The following SLITRK3 variants were observed in gnomAD, a reference collection of about 807,000 sequenced individuals.
SLITRK3 encodes SLIT and NTRK like family member 3.
Under a neutral mutation model 63.6 loss-of-function variants are expected in SLITRK3, and 16 were observed. The ratio of observed to expected loss-of-function variants is 0.25; its 90% CI spans 0.17 to 0.38. SLITRK3 has a LOEUF of 0.38. SLITRK3 is among the 10% of genes least tolerant of loss of function. The pLI is 1.00. For missense variants in SLITRK3, 1,117 were observed against 1,181.4 expected (o/e 0.95, Z 0.80); for synonymous variants, 547 against 451.6 (o/e 1.21, Z -2.68).
chr3:165,189,469 G>A lies in SLITRK3; in HGVS notation c.1362C>T (p.Asn454=), dbSNP rs112999955. The change falls in exon 2 of 2, where the codon AAC becomes AAT. Residue 454 remains asparagine (N), a synonymous_variant. Coordinates refer to ENST00000475390, the MANE Select transcript of SLITRK3 (RefSeq NM_001318810.2). The surrounding 1 kb of genome is among the most constrained non-coding windows in gnomAD (Gnocchi z 4.0). ...GGAAGAGGCTCTTTAAGTTGGGCAAGTTGATAAAGGCCCCATCTTGGACAT... is the reference window on the plus strand; with the variant it reads ...GGAAGAGGCTCTTTAAGTTGGGCAAATTGATAAAGGCCCCATCTTGGACAT... ...ISYVQDGAFI[N]LPNLKSLFLN... is the part of the protein sequence containing the mutation. 7.2e-5 allele frequency: 116 copies of A among 1,613,500 alleles called. 3 individuals carry two copies. In the African/African-American group the frequency reaches 1.1e-3, roughly 15 times the overall value.
chr3:165,196,750 C>A (rs1718433602), upstream of SLITRK3: 2 of 152,196 alleles, frequency 1.3e-5, no homozygotes, highest in African/African-American at 4.8e-5. Flanking sequence ...GCCGGAGCTC[C>A]GCCAGCGCGT....
rs923897488 is a variant in SLITRK3 at position 165,187,861 on chromosome 3, A to G, written c.*36T>C. ...TTTCTTTTATTTTCCTTTTCTTTTGAAAAAAAAAAAGCACTAATATATTTT... is the reference window on the plus strand; with the variant it reads ...TTTCTTTTATTTTCCTTTTCTTTTGGAAAAAAAAAAGCACTAATATATTTT... On this transcript the variant is annotated 3_prime_UTR_variant, in exon 2 of 2. Transcript: ENST00000475390. The G allele has an allele frequency of 6.7e-6, 6 of 901,450 alleles. No individual in the cohort carries two copies. The highest frequency in any genetic ancestry group is 1.9e-5 in the African/African-American group (1 of 52,726). The allele number at this position is 901,450 out of a possible 1,614,324, so 55.8% of individuals were successfully genotyped here.
At position 165,187,930 on chromosome 3, in the gene SLITRK3, G is replaced by T; in HGVS notation, c.2901C>A (p.Leu967=). Reference sequence around the variant, plus strand: ...TGTATGTTGTCTTCTCCAGGACTTCGAGGTAATCCGGCTTGGTTTGAAGTT... The same window carrying T: ...TGTATGTTGTCTTCTCCAGGACTTCTAGGTAATCCGGCTTGGTTTGAAGTT... ...RAKLQTKPDY[L]EVLEKTTYRF The change falls in exon 2 of 2, where the codon CTC becomes CTA. Residue 967 remains leucine (L), a synonymous_variant. Coordinates refer to ENST00000475390, the MANE Select transcript of SLITRK3 (RefSeq NM_001318810.2). 1 of 1,613,328 alleles carries T rather than the reference G, an allele frequency of 6.2e-7. No homozygotes were observed. Among genetic ancestry groups the T allele is most frequent in the South Asian group, 1.1e-5 (1 of 91,020 alleles).
Position 165,190,524 on chromosome 3 carries a change from C to T in SLITRK3, c.307G>A (p.Ala103Thr), listed in dbSNP as rs1017465741. ...TTGTTCCCAAGATTAATAGACACAG[C>T]ATTATTCAAATGAAGAAAACTGTTG... is the stretch of plus-strand genomic sequence containing the variant. ...YTNSFLHLNN[A>T]VSINLGNNAL... is the part of the protein sequence containing the mutation. The change falls in exon 2 of 2, where the codon GCT becomes ACT. Residue 103 changes from alanine to threonine, a missense_variant. Coordinates refer to ENST00000475390, the MANE Select transcript of SLITRK3 (RefSeq NM_001318810.2). The T allele has an allele frequency of 6.2e-7, 1 of 1,613,464 alleles. No homozygotes were observed. Among genetic ancestry groups the T allele is most frequent in the Non-Finnish European group, 8.5e-7 (1 of 1,179,732 alleles).
At position 165,189,238 on chromosome 3, in the gene SLITRK3, C is replaced by A; in HGVS notation, c.1593G>T (p.Arg531=). 6.2e-7 allele frequency: 1 copy of A among 1,614,180 alleles called. No homozygotes were observed. Among genetic ancestry groups the A allele is most frequent in the Non-Finnish European group, 8.5e-7 (1 of 1,180,046 alleles). Residue 531 remains arginine (R), a synonymous_variant, in exon 2 of 2, where the codon CGG becomes CGT. Coordinates refer to ENST00000475390, the MANE Select transcript of SLITRK3 (RefSeq NM_001318810.2). The surrounding 1 kb of genome is among the most constrained non-coding windows in gnomAD (Gnocchi z 4.0). ...GGAAGTAGTTCTTCCTCAGGTTGAG[C>A]CGGGCCAGGGATGTGCCAGCAAAGG... The part of the protein sequence containing the change: ...TDAFAGTSLA[R]LNLRKNYFLY...
Position 165,187,786 on chromosome 3 carries a change from A to C in SLITRK3, c.*111T>G, listed in dbSNP as rs1336811528. The C allele has an allele frequency of 3.4e-6, 3 of 873,816 alleles. No individual in the cohort carries two copies. Among genetic ancestry groups the C allele is most frequent in the South Asian group, 3.5e-5 (2 of 56,516 alleles). 54.1% of individuals were successfully genotyped at this position (873,816 alleles called of 1,614,324 possible). A position where few individuals can be genotyped will look rare whatever the true frequency, so the allele number is the denominator to read the frequency against. ...TTTAGTTTTGTTCAGGGTAGGAAAG[A>C]TCGTGAGGATGGAGTTACTGGGACA... On this transcript the variant is annotated 3_prime_UTR_variant, in exon 2 of 2. Coordinates refer to ENST00000475390, the MANE Select transcript of SLITRK3 (RefSeq NM_001318810.2).
chr3:165,188,576 T>C lies in SLITRK3; in HGVS notation c.2255A>G (p.Asn752Ser). ...CTCACGAGGCTTGTAGATGGGGTTG[T>C]TGCACATTTGGGTAACCGGGTGGGG... is the stretch of plus-strand genomic sequence containing the variant. ...YIPHPVTQMCNNPIYKPREEE... is the reference protein window; with the variant it reads ...YIPHPVTQMCSNPIYKPREEE... Residue 752 changes from asparagine to serine, a missense_variant, in exon 2 of 2, where the codon AAC becomes AGC. Transcript: ENST00000475390. 1 of 1,614,044 alleles carries C rather than the reference T, an allele frequency of 6.2e-7. No homozygotes were observed. Among genetic ancestry groups the C allele is most frequent in the Non-Finnish European group, 8.5e-7 (1 of 1,180,016 alleles).
In SLITRK3 at chr3:165,190,354, A is replaced by G. The variant is rs1379962246; in HGVS notation, c.477T>C (p.Asn159=). ...CCCCACTCTCAATACGTTTAATGAC[A>G]TTGTAATCTGCCTGCAGATATTCTA... ...ESLEYLQADY[N]VIKRIESGAF... Residue 159 remains asparagine, a synonymous_variant, in exon 2 of 2, where the codon AAT becomes AAC. Transcript: ENST00000475390. The G allele has an allele frequency of 7.4e-6, 12 of 1,614,028 alleles. No homozygotes were observed. The East Asian group carries it at 1.8e-4, about 24-fold the overall frequency.
chr3:165,187,844 A>G lies in SLITRK3; in HGVS notation c.*53T>C. 4.9e-6 allele frequency: 7 copies of G among 1,419,972 alleles called. No homozygotes were observed. The highest frequency in any genetic ancestry group is 6.7e-6 in the Non-Finnish European group (7 of 1,045,148). 88.0% of individuals were successfully genotyped at this position (1,419,972 alleles called of 1,614,324 possible). On this transcript the variant is annotated 3_prime_UTR_variant, in exon 2 of 2. Coordinates refer to ENST00000475390, the MANE Select transcript of SLITRK3 (RefSeq NM_001318810.2). The stretch of plus-strand genomic sequence containing the variant: ...AGGGAGCAAGGGATATATTTCTTTT[A>G]TTTTCCTTTTCTTTTGAAAAAAAAA...
chr3:165,196,931 T>TCTCTCTC (rs1560057654), upstream of SLITRK3: 5 of 136,010 alleles, frequency 3.7e-5, no homozygotes, highest in Admixed American at 1.5e-4. Context: ...CTCTCTCCTC[T>TCTCTCTC]CTCTGTCTCT....
In SLITRK3 at chr3:165,188,548, C is replaced by T. The variant is rs201879416; in HGVS notation, c.2283G>A (p.Glu761=). 1.9e-4 allele frequency: 311 copies of T among 1,614,136 alleles called. 3 individuals carry two copies. In the East Asian group the frequency reaches 6.4e-3, roughly 33 times the overall value. The change falls in exon 2 of 2, where the codon GAG becomes GAA. Residue 761 remains glutamate, a synonymous_variant. Transcript: ENST00000475390. ...CNNPIYKPRE[E]EEVAVSSAQE... ...GGGCTGATGAAACAGCCACCTCCTCCTCCTCACGAGGCTTGTAGATGGGGT... is the reference window on the plus strand; with the variant it reads ...GGGCTGATGAAACAGCCACCTCCTCTTCCTCACGAGGCTTGTAGATGGGGT...
At position 165,189,189 on chromosome 3, in the gene SLITRK3, G is replaced by A. The variant is rs1329328723; in HGVS notation, c.1642C>T (p.Leu548=). The A allele has an allele frequency of 6.2e-7, 1 of 1,614,188 alleles. No individual in the cohort carries two copies. The highest frequency in any genetic ancestry group is 8.5e-7 in the Non-Finnish European group (1 of 1,180,038). The change falls in exon 2 of 2, where the codon CTG becomes TTG. Residue 548 remains leucine, a synonymous_variant. Transcript: ENST00000475390. The surrounding 1 kb of genome is among the most constrained non-coding windows in gnomAD (Gnocchi z 4.0). ...TGGACAATGGCATTCAAGTGTTCCA[G>A]GACACCAGCCACGGGAAGATAGAGG... ...YFLYLPVAGV[L]EHLNAIVQID...
At position 165,195,575 on chromosome 3, in the gene SLITRK3, A is replaced by C. The variant is rs533006791; in HGVS notation, c.-22+5T>G. The C allele has an allele frequency of 6.6e-6, 1 of 152,450 alleles. No individual in the cohort carries two copies. Among genetic ancestry groups the C allele is most frequent in the East Asian group, 1.9e-4 (1 of 5,168 alleles). The allele number at this position is 152,450 out of a possible 1,614,324, so 9.4% of individuals were successfully genotyped here. On this transcript the variant is annotated splice_donor_5th_base_variant and intron_variant, in intron 1 of 1. Coordinates refer to ENST00000475390, the MANE Select transcript of SLITRK3 (RefSeq NM_001318810.2). The stretch of plus-strand genomic sequence containing the variant: ...GGCGAAGTAGGAAAGGATGGCGGCG[A>C]GTACCTATGGTGCAGAGCGCTCAGG...
chr3:165,188,917 A>C lies in SLITRK3; in HGVS notation c.1914T>G (p.Ser638Arg). ...GDSHLIGAPT[S>R]ASPYEFSPPG... ...GAGGAGAAAACTCATAAGGTGATGC[A>C]CTGGTTGGTGCCCCAATAAGGTGAG... The change falls in exon 2 of 2, where the codon AGT becomes AGG. Residue 638 changes from serine to arginine, a missense_variant. By Grantham distance (110) the Ser-to-Arg change is moderately radical (BLOSUM62 -1). This residue lies in a region of SLITRK3 where 499 missense variants were observed against 463.6 expected (regional missense o/e 1.08). Coordinates refer to ENST00000475390, the MANE Select transcript of SLITRK3 (RefSeq NM_001318810.2). 6.2e-7 allele frequency: 1 copy of C among 1,614,132 alleles called. No homozygotes were observed. Among genetic ancestry groups the C allele is most frequent in the Non-Finnish European group, 8.5e-7 (1 of 1,180,006 alleles).
In SLITRK3 at chr3:165,188,427, T is replaced by C. The variant is rs1415782320; in HGVS notation, c.2404A>G (p.Lys802Glu). ...GTCCGGTAGTTACTATGGTTCTCCT[T>C]GGGTGTCTCAGCAAACTGCTCACTT... Reference protein sequence around the residue: ...LGSEQFAETPKENHSNYRTLL... With the variant: ...LGSEQFAETPEENHSNYRTLL... Residue 802 changes from lysine to glutamate, a missense_variant, in exon 2 of 2, where the codon AAG becomes GAG. Transcript: ENST00000475390. 1.9e-6 allele frequency: 3 copies of C among 1,613,918 alleles called. No homozygotes were observed. The highest frequency in any genetic ancestry group is 3.3e-5 in the Admixed American group (2 of 59,986).
chr3:165,188,571 G>C lies in SLITRK3; in HGVS notation c.2260C>G (p.Pro754Ala), dbSNP rs1279891801. Residue 754 changes from proline (P) to alanine (A), a missense_variant, in exon 2 of 2, where the codon CCC becomes GCC. Physicochemically the swap from Pro to Ala is conservative, Grantham distance 27 (BLOSUM62 -1). This residue lies in a region of SLITRK3 where 499 missense variants were observed against 463.6 expected (regional missense o/e 1.08). Coordinates refer to ENST00000475390, the MANE Select transcript of SLITRK3 (RefSeq NM_001318810.2). ...TCCTCCTCACGAGGCTTGTAGATGG[G>C]GTTGTTGCACATTTGGGTAACCGGG... ...PHPVTQMCNN[P>A]IYKPREEEEV... 1 of 1,613,906 alleles carries C rather than the reference G, an allele frequency of 6.2e-7. No individual in the cohort carries two copies. The highest frequency in any genetic ancestry group is 1.3e-5 in the African/African-American group (1 of 74,836).
rs1044007151 is a variant in SLITRK3, at chr3:165,190,015, T to G, written c.816A>C (p.Leu272=). 6 of 1,613,982 alleles carry G rather than the reference T, an allele frequency of 3.7e-6. No homozygotes were observed. In the African/African-American group the frequency reaches 8.0e-5, roughly 22 times the overall value. The stretch of plus-strand genomic sequence containing the variant: ...AGAGTTCTGTCTTCCTGATTTCTCG[T>G]AGGTCCTTTCCATGGAAGTGGAAAG... ...ETPFHFHGKD[L]REIRKTELCP... Residue 272 remains leucine (L), a synonymous_variant, in exon 2 of 2, where the codon CTA becomes CTC. Coordinates refer to ENST00000475390, the MANE Select transcript of SLITRK3 (RefSeq NM_001318810.2).
intron 1 of SLITRK3, among the ~76,000 whole-genome samples, chr3:165,192,963 T>C (rs565248693): frequency 3.3e-5 from 5 of 152,226 alleles, no homozygotes; most frequent in African/African-American, 1.2e-4. Flanking sequence ...AATCTCAGAC[T>C]TCTCTCGCTC....
chr3:165,193,106 A>AGTGTGT (rs35240347), intron 1 of SLITRK3, among the ~76,000 whole-genome samples: 283 of 143,430 alleles, frequency 2.0e-3, no homozygotes, highest in South Asian at 0.013. Context: ...CAGTTGAGTG[A>AGTGTGT]GTGTGTGTGT....
Sources: allele counts gnomAD v4.1 joint callset (sites outside exome capture counted in the v4.1 genomes callset), GRCh38; gene constraint gnomAD v4.1.1; regional missense constraint gnomAD v4.1.1; non-coding constraint Gnocchi (gnomAD v3.1); transcripts MANE v1.5; gene names NCBI Gene and HGNC (gene_info 2026-07-23, HGNC 2026-07-21).